The following PAWR variants were observed in gnomAD, a reference collection of about 807,000 sequenced individuals.
PAWR encodes PRKC apoptosis WT1 regulator protein.
A neutral mutation model predicts 32.0 loss-of-function variants in PAWR; 23 were observed. The ratio of observed to expected loss-of-function variants is 0.72; its 90% CI spans 0.52 to 1.02. The LOEUF (loss-of-function observed/expected upper bound fraction) is 1.02. Among genes scored for constraint, PAWR ranks in the 50% least tolerant of loss-of-function variants. The pLI is 0.00. For missense variants in PAWR, 457 were observed against 437.7 expected, an observed-to-expected ratio of 1.04 and a Z score of -0.39; for synonymous variants, 226 against 187.1, an observed-to-expected ratio of 1.21 and a Z score of -1.70.
At chr12:79,627,021 G>A (rs1050383017) in intron 2 of PAWR, among the ~76,000 whole-genome samples, 1 of 152,152 alleles carries the variant, frequency 6.6e-6, no homozygotes, top group African/African-American at 2.4e-5. Context: ...CCAAGTCTTT[G>A]CTATTGTGAA....
At chr12:79,664,658 CGG>C (rs10700018) in intron 2 of PAWR, among the ~76,000 whole-genome samples, 8 of 128,238 alleles carry the variant, frequency 6.2e-5, no homozygotes, top group African/African-American at 3.1e-4. Flanking sequence ...GACTCTTTGG[CGG>C]GGGGGGGAGG....
At position 79,656,697 on chromosome 12, in the gene PAWR, T is replaced by G. The variant is rs553636890; in HGVS notation, c.516+33032A>C. ...AGTAAATTCAATAATGACATCCAGTTCTGGCCAAGTTGGAATAATTGGGAC... is the reference window on the plus strand; with the variant it reads ...AGTAAATTCAATAATGACATCCAGTGCTGGCCAAGTTGGAATAATTGGGAC... On this transcript the variant is annotated intron_variant, in intron 2 of 6. Coordinates refer to ENST00000328827, the MANE Select transcript of PAWR (RefSeq NM_002583.4). Among the ~76,000 whole-genome samples, 12 of 152,332 alleles carry G rather than the reference T, an allele frequency of 7.9e-5. 1 individual carries two copies. In the East Asian group the frequency reaches 2.1e-3, roughly 27 times the overall value.
intron 2 of PAWR, among the ~76,000 whole-genome samples, chr12:79,629,792 T>C (rs2094326215): frequency 6.6e-6 from 1 of 152,138 alleles, no homozygotes; most frequent in Non-Finnish European, 1.5e-5. Flanking sequence ...CCAAGAATGT[T>C]CTTTGACCAC....
At chr12:79,604,803 ACT>A (rs1288641544) in intron 4 of PAWR, 2 of 582,612 alleles carry the variant, frequency 3.4e-6, no homozygotes, top group African/African-American at 2.0e-5. Flanking sequence ...AACTCTCATA[ACT>A]CTTTATTAAA....
intron 2 of PAWR, among the ~76,000 whole-genome samples, chr12:79,632,508 G>C (rs950493411): frequency 1.7e-4 from 25 of 150,102 alleles, no homozygotes; most frequent in African/African-American, 6.2e-4. Flanking sequence ...ATGGGTGCTT[G>C]CCACCATGTC....
intron 2 of PAWR, among the ~76,000 whole-genome samples, chr12:79,647,089 C>T (rs1425499652): frequency 1.3e-5 from 2 of 150,748 alleles, no homozygotes; most frequent in Non-Finnish European, 2.9e-5. Context: ...GCAGAAGAAT[C>T]GCTTGAAACC....
chr12:79,651,077 T>A (rs1298655789), intron 2 of PAWR, among the ~76,000 whole-genome samples: 1 of 152,148 alleles, frequency 6.6e-6, no homozygotes, highest in Non-Finnish European at 1.5e-5. Flanking sequence ...CACAAATACA[T>A]CCTATAGTAA....
chr12:79,587,152 T>C lies in PAWR; in HGVS notation c.*5455A>G, dbSNP rs1873407936. 6.6e-6 allele frequency: 1 copy of C among 152,112 alleles called. No homozygotes were observed. The highest frequency in any genetic ancestry group is 2.4e-5 in the African/African-American group (1 of 41,444). The allele number at this position is 152,112 out of a possible 1,614,324, so 9.4% of individuals were successfully genotyped here. A position where few individuals can be genotyped will look rare whatever the true frequency, so the allele number is the denominator to read the frequency against. On this transcript the variant is annotated 3_prime_UTR_variant, in exon 7 of 7. Coordinates refer to ENST00000328827, the MANE Select transcript of PAWR (RefSeq NM_002583.4). ...AGGTTCCATTTCATGTAAGATTATG[T>C]GACCTTGGAAAAATTTACTGGCTTG...
intron 2 of PAWR, among the ~76,000 whole-genome samples, chr12:79,634,427 A>C (rs1336985658): frequency 6.6e-6 from 1 of 152,134 alleles, no homozygotes; most frequent in African/African-American, 2.4e-5. Context: ...TAAGCACTAA[A>C]ATCCAGTATC....
At chr12:79,610,762 T>TA (rs1197221659) in intron 4 of PAWR, among the ~76,000 whole-genome samples, 165 of 88,944 alleles carry the variant, frequency 1.9e-3, no homozygotes, top group South Asian at 3.2e-3. Context: ...TACCAAAAAT[T>TA]AAAAAAAAAA....
intron 2 of PAWR, among the ~76,000 whole-genome samples, chr12:79,653,582 C>A (rs556807050): frequency 6.6e-6 from 1 of 152,164 alleles, no homozygotes; most frequent in African/African-American, 2.4e-5. Flanking sequence ...CAGGTTCAAG[C>A]GATTCTCCTG....
At chr12:79,669,458 G>T (rs186750209) in intron 2 of PAWR, among the ~76,000 whole-genome samples, 2 of 151,680 alleles carry the variant, frequency 1.3e-5, no homozygotes, top group Middle Eastern at 3.2e-3. Context: ...TATGATTTTC[G>T]TATCTGCAGA....
Position 79,589,466 on chromosome 12 carries a change from T to A in PAWR, c.*3141A>T, listed in dbSNP as rs575386911. 3 of 152,036 alleles carry A rather than the reference T, an allele frequency of 2.0e-5. No individual in the cohort carries two copies. In the East Asian group the frequency reaches 5.8e-4, roughly 29 times the overall value. The allele number at this position is 152,036 out of a possible 1,614,324, so 9.4% of individuals were successfully genotyped here. On this transcript the variant is annotated 3_prime_UTR_variant, in exon 7 of 7. Coordinates refer to ENST00000328827, the MANE Select transcript of PAWR (RefSeq NM_002583.4). ...GCTTCTACCACAATTAAAAATTTTT[T>A]AAACTGAAGAAAAAAAAAAACTACA...
chr12:79,644,416 T>C (rs1306766683), intron 2 of PAWR, among the ~76,000 whole-genome samples: 2 of 152,166 alleles, frequency 1.3e-5, no homozygotes, highest in Non-Finnish European at 2.9e-5. Context: ...TTCATTTACA[T>C]ACCTCTCTTC....
chr12:79,627,930 T>C (rs1875422997), intron 2 of PAWR, among the ~76,000 whole-genome samples: 1 of 152,098 alleles, frequency 6.6e-6, no homozygotes, highest in Non-Finnish European at 1.5e-5. Flanking sequence ...TACCCAGGAA[T>C]TGAACTCAGC....
chr12:79,686,560 C>T (rs1222156312), intron 2 of PAWR, among the ~76,000 whole-genome samples: 4 of 152,092 alleles, frequency 2.6e-5, no homozygotes, highest in African/African-American at 4.8e-5. Flanking sequence ...AAAGAGGGCA[C>T]GGAATTGAAT....
intron 2 of PAWR, chr12:79,688,297 T>C (rs1193988122): frequency 6.6e-6 from 1 of 151,900 alleles, no homozygotes; most frequent in African/African-American, 2.4e-5. Flanking sequence ...GTTTAACATC[T>C]GCCAAGATAT....
At chr12:79,610,250 C>T (rs557981559) in intron 4 of PAWR, among the ~76,000 whole-genome samples, 1 of 152,318 alleles carries the variant, frequency 6.6e-6, no homozygotes, top group South Asian at 2.1e-4. Flanking sequence ...TCCTATGCAG[C>T]TTGGTTGAGC....
intron 2 of PAWR, among the ~76,000 whole-genome samples, chr12:79,647,078 G>A (rs1375491266): frequency 6.6e-6 from 1 of 151,528 alleles, no homozygotes; most frequent in East Asian, 1.9e-4. Flanking sequence ...GGGAGGCTGA[G>A]GCAGAAGAAT....
Sources: gnomAD v4.1 joint callset for allele counts (sites outside exome capture counted in the v4.1 genomes callset) on GRCh38, gnomAD v4.1.1 for gene constraint, MANE v1.5 for transcripts, NCBI Gene and HGNC (gene_info 2026-07-23, HGNC 2026-07-21) for gene names.